Variants in TMEM243 observed in about 807,000 individuals in gnomAD.
The protein encoded by TMEM243 is MDR1 and mitochondrial taxol resistance associated.
TMEM243 carries 20 observed loss-of-function variants against 15.0 expected under a neutral mutation model. The ratio of observed to expected loss-of-function variants is 1.33; its 90% confidence interval spans 0.94 to 1.93. TMEM243 has a LOEUF of 1.93. Ranked by LOEUF, TMEM243 falls within the 30% of genes most tolerant of loss-of-function variation. The probability of loss-of-function intolerance (pLI) is 0.00; values close to 1 mark genes in which losing one functional copy is unlikely to be tolerated. For synonymous variants in TMEM243, 72 were observed against 52.7 expected, an observed-to-expected ratio of 1.37 and a Z score of -1.59; for missense variants, 156 against 142.1, an observed-to-expected ratio of 1.10 and a Z score of -0.50.
intron 3 of TMEM243, 93 bp downstream of exon 3, chr7:87,197,848 C>G (rs1308965016): frequency 6.3e-7 from 1 of 1,590,412 alleles, no homozygotes; most frequent in Admixed American, 1.7e-5. Context: ...TTAAGAGATA[C>G]CCTTTTGTAT....
At position 87,219,530 on chromosome 7, in the gene TMEM243, C is replaced by T; in HGVS notation, c.-27G>A. On this transcript the variant is annotated 5_prime_UTR_variant, in exon 1 of 4. Coordinates refer to ENST00000257637, the MANE Select transcript of TMEM243 (RefSeq NM_024315.4). ...TTGGGGTTTCTTCACTTTCCCCAAG[C>T]CACTTAAAAGCAAGACAGCATGACC... 2 of 1,610,680 alleles carry T rather than the reference C, an allele frequency of 1.2e-6. No homozygotes were observed. Among genetic ancestry groups the T allele is most frequent in the Non-Finnish European group, 1.7e-6 (2 of 1,176,940 alleles).
Position 87,196,691 on chromosome 7 carries a change from G to A in TMEM243, c.302C>T (p.Ser101Phe), listed in dbSNP as rs1801281867. 1 of 1,609,892 alleles carries A rather than the reference G, an allele frequency of 6.2e-7. No homozygotes were observed. The highest frequency in any genetic ancestry group is 1.3e-5 in the African/African-American group (1 of 74,654). Reference sequence around the variant, plus strand: ...TGCACATATACACAACATGATGATAGAAAATATGATATAGTAAATTAGCTT... The same window carrying A: ...TGCACATATACACAACATGATGATAAAAAATATGATATAGTAAATTAGCTT... ...FRKLIYYIIF[S>F]IIMLCICANL... The change falls in exon 4 of 4, where the codon TCT (serine) becomes TTT (phenylalanine). Residue 101 changes from serine to phenylalanine, a missense_variant. Ser to Phe is a radical substitution (Grantham distance 155, BLOSUM62 -2). Coordinates refer to ENST00000257637, the MANE Select transcript of TMEM243 (RefSeq NM_024315.4).
intron 1 of TMEM243, among the ~76,000 whole-genome samples, chr7:87,206,990 C>A (rs535800764): frequency 6.6e-6 from 1 of 152,368 alleles, no homozygotes; most frequent in South Asian, 2.1e-4. Flanking sequence ...TGCAATGGCA[C>A]CACAGAAGCT....
chr7:87,217,197 G>A (rs1803175701), intron 1 of TMEM243, among the ~76,000 whole-genome samples: 1 of 152,218 alleles, frequency 6.6e-6, no homozygotes, highest in South Asian at 2.1e-4. Flanking sequence ...ACTAGGATAG[G>A]AACTGGGCTT....
chr7:87,219,751 CG>C, upstream of TMEM243: 1 of 529,754 alleles, frequency 1.9e-6, no homozygotes, highest in Non-Finnish European at 3.3e-6. Context: ...ACAAACACTG[CG>C]TGGCAGACTC....
At chr7:87,216,205 C>T (rs1052750830) in intron 1 of TMEM243, among the ~76,000 whole-genome samples, 22 of 143,482 alleles carry the variant, frequency 1.5e-4, no homozygotes, top group African/African-American at 5.0e-4. Flanking sequence ...ACCTGGGAGG[C>T]GGAGCTTGCA....
At chr7:87,211,851 G>A (rs574985149) in intron 1 of TMEM243, among the ~76,000 whole-genome samples, 2 of 152,310 alleles carry the variant, frequency 1.3e-5, no homozygotes, top group African/African-American at 2.4e-5. Context: ...ACTCTAGGAC[G>A]CCGCGAATTA....
intron 1 of TMEM243, among the ~76,000 whole-genome samples, chr7:87,204,083 C>G (rs1213490426): frequency 2.6e-5 from 4 of 152,178 alleles, no homozygotes; most frequent in Non-Finnish European, 5.9e-5. Flanking sequence ...ATAGGCACGT[C>G]TTACATGATG....
At chr7:87,204,583 C>A (rs572863341) in intron 1 of TMEM243, among the ~76,000 whole-genome samples, 6 of 152,218 alleles carry the variant, frequency 3.9e-5, no homozygotes, top group Non-Finnish European at 8.8e-5. Flanking sequence ...CCATGCAAAT[C>A]CAAAAACCAG....
chr7:87,209,788 G>GAGAGCGAGAC (rs1181156363), intron 1 of TMEM243, among the ~76,000 whole-genome samples: 141 of 146,286 alleles, frequency 9.6e-4, no homozygotes, highest in African/African-American at 3.4e-3. Flanking sequence ...GCGAGACAGT[G>GAGAGCGAGAC]AGAGCGAGAC....
At chr7:87,199,700 A>G (rs1801641480) in intron 1 of TMEM243, 1 of 152,132 alleles carries the variant, frequency 6.6e-6, no homozygotes, top group South Asian at 2.1e-4. Flanking sequence ...ATCCCACCCC[A>G]ACCAACAAAG....
At chr7:87,219,859 C>A, upstream of TMEM243, 1 of 320,498 alleles carries the variant, frequency 3.1e-6, no homozygotes, top group Non-Finnish European at 5.8e-6. Context: ...CAGGGTAGCG[C>A]CGCCCGCCGC....
chr7:87,199,129 C>T (rs1256567387), intron 1 of TMEM243, 72 bp from the exon 2 acceptor site: 3 of 1,256,990 alleles, frequency 2.4e-6, no homozygotes, highest in African/African-American at 1.6e-5. Context: ...CAATGCAAGG[C>T]ATTTGGATGG....
chr7:87,196,552 C>A lies in TMEM243; in HGVS notation c.*84G>T, dbSNP rs1258130557. The A allele has an allele frequency of 1.5e-6, 2 of 1,364,744 alleles. No individual in the cohort carries two copies. The highest frequency in any genetic ancestry group is 5.0e-5 in the East Asian group (2 of 40,066). The allele number at this position is 1,364,744 out of a possible 1,614,324, so 84.5% of individuals were successfully genotyped here. On this transcript the variant is annotated 3_prime_UTR_variant, in exon 4 of 4. Coordinates refer to ENST00000257637, the MANE Select transcript of TMEM243 (RefSeq NM_024315.4). ...ATGTATCAGACTTCTGCAGGAGATTCTTCAGCATACCTTATCCAAAAATTA... is the reference window on the plus strand; with the variant it reads ...ATGTATCAGACTTCTGCAGGAGATTATTCAGCATACCTTATCCAAAAATTA...
Position 87,196,759 on chromosome 7 carries a change from C to A in TMEM243, c.235-1G>T, listed in dbSNP as rs41278755. On this transcript the variant is annotated splice_acceptor_variant, in intron 3 of 3. Transcript: ENST00000257637. LOFTEE classifies it high-confidence loss of function. ...AGTCTCCTTGTCGATACCAGTAGATCTAAAAGAAGAATTAAAGTTTATAAA... is the reference window on the plus strand; with the variant it reads ...AGTCTCCTTGTCGATACCAGTAGATATAAAAGAAGAATTAAAGTTTATAAA... 99 of 1,533,302 alleles carry A rather than the reference C, an allele frequency of 6.5e-5. No individual in the cohort carries two copies. The highest frequency in any genetic ancestry group is 8.4e-5 in the Non-Finnish European group (95 of 1,131,156). 95.0% of individuals were successfully genotyped at this position (1,533,302 alleles called of 1,614,324 possible).
chr7:87,211,502 C>T (rs752433436), intron 1 of TMEM243, among the ~76,000 whole-genome samples: 16 of 152,152 alleles, frequency 1.1e-4, no homozygotes, highest in Non-Finnish European at 1.9e-4. Flanking sequence ...CTTAAGGGTC[C>T]CAATACCATA....
chr7:87,207,313 C>CTGGATGGACAATGCCAT (rs1562882691), intron 1 of TMEM243, among the ~76,000 whole-genome samples: 1 of 44,094 alleles, frequency 2.3e-5, no homozygotes, highest in Non-Finnish European at 5.9e-5. Flanking sequence ...AAGCAAAAGC[C>CTGGATGGACAATGCCAT]GGCCGGGCGC....
At chr7:87,208,356 C>G (rs1802376246) in intron 1 of TMEM243, among the ~76,000 whole-genome samples, 1 of 152,204 alleles carries the variant, frequency 6.6e-6, no homozygotes, top group Admixed American at 6.5e-5. Context: ...AAAGGGGCTA[C>G]AGGCCCCATG....
At chr7:87,203,434 G>C (rs1801969554) in intron 1 of TMEM243, among the ~76,000 whole-genome samples, 1 of 151,766 alleles carries the variant, frequency 6.6e-6, no homozygotes, top group South Asian at 2.1e-4. Flanking sequence ...GAAAAATACT[G>C]AGACCTTGTA....
Sources: allele counts gnomAD v4.1 joint callset (sites outside exome capture counted in the v4.1 genomes callset), GRCh38; gene constraint gnomAD v4.1.1; transcripts MANE v1.5; gene names NCBI Gene and HGNC (gene_info 2026-07-23, HGNC 2026-07-21).